Variants in KIAA1210 observed in about 807,000 individuals in gnomAD.
KIAA1210 encodes the protein KIAA1210, also known as acrosomal protein KIAA1210.
A neutral mutation model predicts 78.9 loss-of-function variants in KIAA1210; 48 were observed. That is an observed-to-expected ratio of 0.61 (90% CI 0.48 to 0.77). KIAA1210 has a LOEUF of 0.77. KIAA1210 is among the 30% of genes least tolerant of loss of function. KIAA1210 has a pLI of 0.00. For synonymous variants in KIAA1210, 406 were observed against 404.5 expected (o/e 1.00, Z -0.04); for missense variants, 1,108 against 1,100.0 (o/e 1.01, Z -0.10).
At chrX:119,129,813 C>G (rs1188476689), upstream of KIAA1210, among the ~76,000 whole-genome samples, 2 of 111,670 alleles carry the variant, frequency 1.8e-5, no homozygotes, top group African/African-American at 6.5e-5. Flanking sequence ...GAAACGCTGC[C>G]TCTTCCTACT....
intron 3 of KIAA1210, among the ~76,000 whole-genome samples, chrX:119,112,191 C>A (rs760341154): frequency 1.1e-4 from 12 of 111,843 alleles, no homozygotes; most frequent in African/African-American, 3.6e-4. Flanking sequence ...GTCAATTAAA[C>A]CTCTTTTCTT....
Position 119,087,097 on chromosome X carries a change from C to T in KIAA1210, c.3605G>A (p.Ser1202Asn). The T allele has an allele frequency of 8.3e-7, 1 of 1,211,639 alleles. No homozygotes were observed. Residue 1202 changes from serine to asparagine, a missense_variant, in exon 9 of 12, where the codon AGT becomes AAT. Physicochemically the swap from Ser to Asn is conservative, Grantham distance 46. Around this residue, in one of 5 missense-constraint regions of KIAA1210, gnomAD observed 245 missense variants for 278.8 expected, o/e 0.88. Transcript: ENST00000691062. ...TCGCCTAGCAGCAGCATTCACAGAA[C>T]TTGAATGAACCTGTTGCTGGAAAGG... Reference protein sequence around the residue: ...SSPFQQQVHSSSVNAAARRSV... With the variant: ...SSPFQQQVHSNSVNAAARRSV...
chrX:119,112,152 C>G (rs918747307), intron 3 of KIAA1210, among the ~76,000 whole-genome samples: 1 of 111,677 alleles, frequency 9.0e-6, no homozygotes, highest in African/African-American at 3.3e-5. Flanking sequence ...CTTGCTTCCC[C>G]TTTATCCTCT....
At chrX:119,120,239 G>T (rs57489267) in intron 2 of KIAA1210, among the ~76,000 whole-genome samples, 2 of 111,586 alleles carry the variant, frequency 1.8e-5, no homozygotes, top group Admixed American at 9.5e-5. Context: ...ATTCTTGACA[G>T]GTGGATCTCA....
Position 119,089,204 on chromosome X carries a change from G to A in KIAA1210, c.1498C>T (p.Leu500Phe). The A allele has an allele frequency of 2.5e-6, 3 of 1,211,042 alleles. No homozygotes were observed. The highest frequency in any genetic ancestry group is 3.4e-6 in the Non-Finnish European group (3 of 895,207). Reference protein sequence around the residue: ...RASLSLMVESLSTTQEEAILS... With the variant: ...RASLSLMVESFSTTQEEAILS... The stretch of plus-strand genomic sequence containing the variant: ...ATGGCCTCCTCTTGGGTTGTAGAAA[G>A]GCTTTCCACCATCAGTGAGAGAGAA... The change falls in exon 9 of 12, where the codon CTT becomes TTT. Residue 500 changes from leucine (L) to phenylalanine (F), a missense_variant. Physicochemically the swap from Leu to Phe is conservative, Grantham distance 22. Transcript: ENST00000691062.
chrX:119,141,806 C>T (rs1929055870), intron 2 of KIAA1210, among the ~76,000 whole-genome samples: 1 of 112,001 alleles, frequency 8.9e-6, no homozygotes, highest in East Asian at 2.8e-4. Context: ...CCTCAGTTTC[C>T]TGATTTATAA....
In KIAA1210 at chrX:119,087,128, T is replaced by G; in HGVS notation, c.3574A>C (p.Ser1192Arg). 8.3e-7 allele frequency: 1 copy of G among 1,211,747 alleles called. No individual in the cohort carries two copies. The highest frequency in any genetic ancestry group is 1.1e-6 in the Non-Finnish European group (1 of 895,312). ...TGAACCTGTTGCTGGAAAGGACTACTTGAAGGCAGGTGCTTCTCACCGCTG... is the reference window on the plus strand; with the variant it reads ...TGAACCTGTTGCTGGAAAGGACTACGTGAAGGCAGGTGCTTCTCACCGCTG... ...QSSGEKHLPSSSPFQQQVHSS... is the reference protein window; with the variant it reads ...QSSGEKHLPSRSPFQQQVHSS... Residue 1192 changes from serine (S) to arginine (R), a missense_variant, in exon 9 of 12, where the codon AGT becomes CGT. Ser to Arg is a moderately radical substitution (Grantham distance 110). Coordinates refer to ENST00000691062, the MANE Select transcript of KIAA1210 (RefSeq NM_001394962.1).
At position 119,080,701 on chromosome X, in the gene KIAA1210, A is replaced by C. The variant is rs1468133515; in HGVS notation, c.*628T>G. On this transcript the variant is annotated 3_prime_UTR_variant, in exon 12 of 12. Coordinates refer to ENST00000691062, the MANE Select transcript of KIAA1210 (RefSeq NM_001394962.1). ...GTTAAAGATTTTGCAATTTTACAGC[A>C]GTGCAAATGTTTTCGATAGTTTTAA... 1 of 112,401 alleles carries C rather than the reference A, an allele frequency of 8.9e-6. No homozygotes were observed. The highest frequency in any genetic ancestry group is 3.2e-5 in the African/African-American group (1 of 30,969). 9.3% of individuals were successfully genotyped at this position (112,401 alleles called of 1,213,427 possible).
At position 119,119,571 on chromosome X, in the gene KIAA1210, A is replaced by G. The variant is rs185036432; in HGVS notation, c.62-2907T>C. Among the ~76,000 whole-genome samples the G allele has an allele frequency of 5.1e-3, 570 of 112,550 alleles. 1 individual carries two copies. The highest frequency in any genetic ancestry group is 7.5e-3 in the Non-Finnish European group (399 of 53,266). ...AATAATAAAATATTTAAGGCTGGGC[A>G]TGGTGGCTCACACCTGTAATCCCAG... is the stretch of plus-strand genomic sequence containing the variant. On this transcript the variant is annotated intron_variant, in intron 2 of 11. Transcript: ENST00000691062.
intron 8 of KIAA1210, among the ~76,000 whole-genome samples, chrX:119,092,006 T>A (rs1233510869): frequency 8.9e-6 from 1 of 111,889 alleles, no homozygotes; most frequent in Non-Finnish European, 1.9e-5. Flanking sequence ...ATTACTCTAA[T>A]GACAGGTGCA....
At chrX:119,125,599 C>T (rs1198186262) in intron 1 of KIAA1210, among the ~76,000 whole-genome samples, 9 of 99,145 alleles carry the variant, frequency 9.1e-5, no homozygotes, top group African/African-American at 3.3e-4. Flanking sequence ...GGCTGGAGTG[C>T]AGTGGTGCAA....
exon 1 of KIAA1210, chrX:119,150,574 C>T: frequency 1.7e-6 from 2 of 1,203,215 alleles, no homozygotes; most frequent in South Asian, 1.8e-5. Context: ...TCCAGCCGGC[C>T]CTCATTTCCC....
upstream of KIAA1210, among the ~76,000 whole-genome samples, chrX:119,129,461 T>G (rs544991546): frequency 3.7e-4 from 41 of 111,070 alleles, no homozygotes; most frequent in South Asian, 0.015. Context: ...AATATGGTGG[T>G]TATATTGGGT....
chrX:119,105,288 C>T (rs1205089286), intron 5 of KIAA1210, 141 bp from the exon 6 acceptor site: 1 of 598,176 alleles, frequency 1.7e-6, no homozygotes, highest in African/African-American at 2.4e-5. Flanking sequence ...AAAAATAAGC[C>T]CAGGGAAGAA....
chrX:119,100,677 T>A (rs1039923769), intron 6 of KIAA1210, among the ~76,000 whole-genome samples: 29 of 111,924 alleles, frequency 2.6e-4, no homozygotes, highest in African/African-American at 9.4e-4. Flanking sequence ...ATCACCCAAA[T>A]AATATACCTT....
In KIAA1210 at chrX:119,116,648, T is replaced by C. The variant is rs543253036; in HGVS notation, c.78A>G (p.Lys26=). The change falls in exon 3 of 12, where the codon AAA becomes AAG. Residue 26 remains lysine (K), a synonymous_variant. Transcript: ENST00000691062. ...CAAAAAAGCTCTTAAGGGCTTTAAA[T>C]TTGCATTTCTTCTTTCCTGGAAGTG... The part of the protein sequence containing the change: ...EAGDEGKKKC[K]FKALKSFFVK... The C allele has an allele frequency of 4.2e-6, 5 of 1,201,234 alleles. No individual in the cohort carries two copies. In the South Asian group the frequency reaches 9.0e-5, roughly 22 times the overall value.
rs780693097 is a variant in KIAA1210 at position 119,081,290 on chromosome X, CT to C, written c.*38del. On this transcript the variant is annotated 3_prime_UTR_variant, in exon 12 of 12. Coordinates refer to ENST00000691062, the MANE Select transcript of KIAA1210 (RefSeq NM_001394962.1). The stretch of plus-strand genomic sequence containing the variant: ...TCAAAAAAAAAAAAAAAAAAAAAAA[CT>C]AAATAAAATAAATGCTGATGCTCCA... 2 of 473,534 alleles carry C rather than the reference CT, an allele frequency of 4.2e-6. No individual in the cohort carries two copies. Among genetic ancestry groups the C allele is most frequent in the Admixed American group, 5.5e-5 (1 of 18,044 alleles). The allele number at this position is 473,534 out of a possible 1,213,427, so 39.0% of individuals were successfully genotyped here.
chrX:119,093,861 A>G, intron 7 of KIAA1210, 86 bp from the exon 8 acceptor site: 2 of 952,584 alleles, frequency 2.1e-6, no homozygotes, highest in African/African-American at 1.9e-5. Flanking sequence ...AGCATCAGGA[A>G]AAAAGTTCTT....
intron 5 of KIAA1210, among the ~76,000 whole-genome samples, chrX:119,105,967 A>G (rs1399305731): frequency 9.0e-6 from 1 of 111,724 alleles, no homozygotes; most frequent in Non-Finnish European, 1.9e-5. Context: ...TACAACAATA[A>G]ACAAAACAAA....
Sources: gnomAD v4.1 joint callset for allele counts (sites outside exome capture counted in the v4.1 genomes callset) on GRCh38, gnomAD v4.1.1 for gene constraint, gnomAD v4.1.1 regional missense constraint, MANE v1.5 for transcripts, NCBI Gene and HGNC (gene_info 2026-07-23, HGNC 2026-07-21) for gene names.